Variants in FAM81B observed in about 807,000 individuals in gnomAD.
FAM81B encodes protein FAM81B.
A neutral mutation model predicts 58.7 loss-of-function variants in FAM81B; 60 were observed. The ratio of observed to expected loss-of-function variants is 1.02; its 90% CI spans 0.83 to 1.27. The LOEUF (loss-of-function observed/expected upper bound fraction) is 1.27. Among genes scored for constraint, FAM81B ranks in the 50% most tolerant of loss-of-function variants. FAM81B has a pLI of 0.00. For synonymous variants in FAM81B, 189 were observed against 179.6 expected, an observed-to-expected ratio of 1.05 and a Z score of -0.42; for missense variants, 491 against 522.0, an observed-to-expected ratio of 0.94 and a Z score of 0.58.
intron 5 of FAM81B, among the ~76,000 whole-genome samples, chr5:95,427,008 C>T (rs958743439): frequency 5.9e-5 from 9 of 152,072 alleles, no homozygotes; most frequent in African/African-American, 2.2e-4. Flanking sequence ...GAGATTGTGC[C>T]ACTGCACTCC....
intron 6 of FAM81B, among the ~76,000 whole-genome samples, chr5:95,432,977 T>C (rs1232838022): frequency 6.6e-6 from 1 of 152,208 alleles, no homozygotes; most frequent in Non-Finnish European, 1.5e-5. Flanking sequence ...TCTTTTTTGC[T>C]GACATGAGCA....
At chr5:95,409,340 G>GTT (rs1762348000) in intron 3 of FAM81B, among the ~76,000 whole-genome samples, 1 of 151,892 alleles carries the variant, frequency 6.6e-6, no homozygotes, top group East Asian at 1.9e-4. Context: ...TCTATTTTTA[G>GTT]TAGAGATGGG....
chr5:95,423,481 C>T (rs1267228122), intron 5 of FAM81B, among the ~76,000 whole-genome samples: 1 of 148,970 alleles, frequency 6.7e-6, no homozygotes, highest in African/African-American at 2.5e-5. Context: ...TCCGTAGCCG[C>T]AGTCAGAGGC....
At chr5:95,413,843 G>C in intron 3 of FAM81B, 104 bp from the exon 4 acceptor site, 1 of 1,488,144 alleles carries the variant, frequency 6.7e-7, no homozygotes, top group Non-Finnish European at 8.9e-7. Flanking sequence ...ACTTCTCACA[G>C]GGCAAAAATA....
intron 9 of FAM81B, 122 bp from the exon 10 acceptor site, chr5:95,450,027 A>G (rs1745738089): frequency 1.7e-6 from 2 of 1,150,286 alleles, no homozygotes; most frequent in African/African-American, 3.2e-5. Flanking sequence ...TGGTCTTCAT[A>G]GAATTTAATG....
At chr5:95,406,192 C>T (rs927132709) in intron 3 of FAM81B, 1 of 154,354 alleles carries the variant, frequency 6.5e-6, no homozygotes, top group African/African-American at 2.4e-5. Flanking sequence ...AGGGAACAGA[C>T]TCTGAGATGG....
intron 4 of FAM81B, 126 bp from the exon 5 acceptor site, chr5:95,420,158 T>A: frequency 9.0e-7 from 1 of 1,114,962 alleles, no homozygotes; most frequent in African/African-American, 1.6e-5. Context: ...GAGATAGGAC[T>A]CTCTCACTCA....
chr5:95,413,756 G>A (rs1304734182), intron 3 of FAM81B, among the ~76,000 whole-genome samples, 191 bp from the exon 4 acceptor site: 1 of 152,186 alleles, frequency 6.6e-6, no homozygotes, highest in African/African-American at 2.4e-5. Context: ...TTGGCTTGAA[G>A]CATGAAAAGT....
At chr5:95,425,794 T>C (rs1395617514) in intron 5 of FAM81B, among the ~76,000 whole-genome samples, 2 of 152,104 alleles carry the variant, frequency 1.3e-5, no homozygotes, top group Non-Finnish European at 2.9e-5. Flanking sequence ...CACAAGTATA[T>C]AAACTTATTT....
Position 95,446,559 on chromosome 5 carries a change from T to C in FAM81B, c.894-3T>C, listed in dbSNP as rs369678168. 1.9e-6 allele frequency: 3 copies of C among 1,572,810 alleles called. No homozygotes were observed. Among genetic ancestry groups the C allele is most frequent in the African/African-American group, 2.8e-5 (2 of 72,352 alleles). ...AAATGAAACAAAACATTTTTTCCCA[T>C]AGATTTCATTCACTTTCAAGTAATC... On this transcript the variant is annotated splice_polypyrimidine_tract_variant and splice_region_variant and intron_variant, in intron 7 of 9. Transcript: ENST00000283357.
At chr5:95,425,327 A>G (rs1438913064) in intron 5 of FAM81B, among the ~76,000 whole-genome samples, 1 of 152,192 alleles carries the variant, frequency 6.6e-6, no homozygotes, top group Non-Finnish European at 1.5e-5. Flanking sequence ...AACAATAAGG[A>G]TAAAGACTGC....
At chr5:95,434,373 GCCT>G (rs1745019760) in intron 6 of FAM81B, among the ~76,000 whole-genome samples, 1 of 152,136 alleles carries the variant, frequency 6.6e-6, no homozygotes, top group Non-Finnish European at 1.5e-5. Flanking sequence ...TTTCCATGTG[GCCT>G]TTCTCCAGCA....
intron 3 of FAM81B, chr5:95,406,084 T>A (rs930703187): frequency 6.5e-6 from 1 of 154,284 alleles, no homozygotes; most frequent in Non-Finnish European, 1.5e-5. Flanking sequence ...AAGAGCAGAC[T>A]TATGTTGTTC....
intron 6 of FAM81B, among the ~76,000 whole-genome samples, chr5:95,429,391 A>C (rs916702002): frequency 7.9e-5 from 12 of 152,150 alleles, no homozygotes; most frequent in African/African-American, 2.9e-4. Flanking sequence ...TCTGTGCTCC[A>C]CTTTGTCACA....
At chr5:95,434,181 A>C (rs1745011401) in intron 6 of FAM81B, among the ~76,000 whole-genome samples, 1 of 152,182 alleles carries the variant, frequency 6.6e-6, no homozygotes, top group African/African-American at 2.4e-5. Context: ...AGGATCTCAT[A>C]AGGCAGAAAT....
intron 3 of FAM81B, among the ~76,000 whole-genome samples, chr5:95,413,705 T>C (rs1015926442): frequency 4.6e-5 from 7 of 152,170 alleles, no homozygotes; most frequent in African/African-American, 1.4e-4. Flanking sequence ...TTCTAACATC[T>C]TCTTTCATGA....
chr5:95,413,493 T>C (rs1486432122), intron 3 of FAM81B, among the ~76,000 whole-genome samples: 3 of 152,328 alleles, frequency 2.0e-5, no homozygotes, highest in East Asian at 1.9e-4. Context: ...AGACATCATA[T>C]GCAAGGTTTT....
chr5:95,411,301 G>T (rs1371472734), intron 3 of FAM81B, among the ~76,000 whole-genome samples: 1 of 151,956 alleles, frequency 6.6e-6, no homozygotes. Context: ...ATCCCAAAAA[G>T]ATCTAAATCC....
intron 3 of FAM81B, among the ~76,000 whole-genome samples, chr5:95,401,826 C>T (rs910289963): frequency 2.0e-5 from 3 of 152,164 alleles, no homozygotes; most frequent in African/African-American, 4.8e-5. Context: ...CTCCATGTAC[C>T]GGCTGATCTG....
Sources: gnomAD v4.1 joint callset for allele counts (sites outside exome capture counted in the v4.1 genomes callset) on GRCh38, gnomAD v4.1.1 for gene constraint, MANE v1.5 for transcripts, NCBI Gene and HGNC (gene_info 2026-07-23, HGNC 2026-07-21) for gene names.